The following BCO1 variants were observed in gnomAD, a reference collection of about 807,000 sequenced individuals.
The protein encoded by BCO1 is beta-carotene oxygenase 1, also known as beta,beta-carotene 15,15'-dioxygenase.
BCO1 carries 54 observed loss-of-function variants against 56.3 expected under a neutral mutation model. The ratio of observed to expected loss-of-function variants is 0.96; its 90% CI spans 0.77 to 1.20. The LOEUF is 1.20. Among genes scored for constraint, BCO1 ranks in the 50% most tolerant of loss-of-function variants. The probability of loss-of-function intolerance (pLI) is 0.00; values close to 1 mark genes in which losing one functional copy is unlikely to be tolerated. For synonymous variants in BCO1, 318 were observed against 266.1 expected (o/e 1.20, Z -1.90); for missense variants, 801 against 690.9 (o/e 1.16, Z -1.79).
At chr16:81,249,025 C>T (rs1474580957) in intron 2 of BCO1, among the ~76,000 whole-genome samples, 2 of 151,816 alleles carry the variant, frequency 1.3e-5, no homozygotes, top group Non-Finnish European at 2.9e-5. Flanking sequence ...AAAAAAAGCA[C>T]CAGTGGTTTT....
At chr16:81,239,444 TC>T (rs1034028265) in intron 1 of BCO1, among the ~76,000 whole-genome samples, 1 of 152,156 alleles carries the variant, frequency 6.6e-6, no homozygotes, top group Admixed American at 6.5e-5. Context: ...ATCTAGGTAT[TC>T]TTTTACACAT....
At chr16:81,254,618 C>T (rs56120833) in intron 2 of BCO1, among the ~76,000 whole-genome samples, 2,392 of 152,078 alleles carry the variant, frequency 0.016, 28 homozygotes, top group Non-Finnish European at 0.025. Flanking sequence ...TCCAAGTGCA[C>T]AGGTGGGAGT....
Position 81,242,143 on chromosome 16 carries a change from T to A in BCO1, c.64+3171T>A, listed in dbSNP as rs141863786. ...CCCTCTCCTGTGCCCTGGGTGCCTG[T>A]GCCTGGCGCCACGATTATGTAGGTG... On this transcript the variant is annotated intron_variant, in intron 1 of 10. Transcript: ENST00000258168. Among the ~76,000 whole-genome samples, 694 of 150,122 alleles carry A rather than the reference T, an allele frequency of 4.6e-3. 8 individuals are homozygous for A. Among genetic ancestry groups the A allele is most frequent in the Middle Eastern group, 0.038 (11 of 290 alleles).
chr16:81,241,323 CA>C (rs1905097223), intron 1 of BCO1, among the ~76,000 whole-genome samples: 1 of 151,974 alleles, frequency 6.6e-6, no homozygotes, highest in Non-Finnish European at 1.5e-5. Flanking sequence ...CAAAAGAAAA[CA>C]AAAAGGCACC....
chr16:81,282,941 G>C (rs1032845955), intron 8 of BCO1, among the ~76,000 whole-genome samples: 1 of 152,072 alleles, frequency 6.6e-6, no homozygotes, highest in African/African-American at 2.4e-5. Flanking sequence ...GCTTAGTGTG[G>C]GGTCTGGCCT....
chr16:81,241,668 T>C (rs77068549), intron 1 of BCO1, among the ~76,000 whole-genome samples: 1,967 of 152,232 alleles, frequency 0.013, 43 homozygotes, highest in African/African-American at 0.045. Context: ...AGCCTCCCTA[T>C]TGACAGATGG....
intron 10 of BCO1, among the ~76,000 whole-genome samples, chr16:81,290,061 A>G (rs891777594): frequency 3.3e-5 from 5 of 152,160 alleles, no homozygotes; most frequent in Admixed American, 1.3e-4. Flanking sequence ...ATGGGGTTTC[A>G]CCACGTTGGC....
chr16:81,274,340 T>G (rs1464401665), intron 7 of BCO1, among the ~76,000 whole-genome samples: 1 of 146,042 alleles, frequency 6.8e-6, no homozygotes, highest in Non-Finnish European at 1.5e-5. Flanking sequence ...CTCGGCTCAC[T>G]GCAAGCTCCG....
At chr16:81,250,572 A>G (rs971819216) in intron 2 of BCO1, among the ~76,000 whole-genome samples, 1 of 143,188 alleles carries the variant, frequency 7.0e-6, no homozygotes, top group Non-Finnish European at 1.5e-5. Flanking sequence ...TCCTTTCTCA[A>G]TAAAGCTTTT....
At chr16:81,261,944 G>A (rs989521684) in intron 3 of BCO1, 192 bp from the exon 4 acceptor site, 12 of 606,578 alleles carry the variant, frequency 2.0e-5, no homozygotes, top group African/African-American at 7.3e-5. Flanking sequence ...GGGTTTCACC[G>A]TGTTGGCCAG....
intron 2 of BCO1, among the ~76,000 whole-genome samples, chr16:81,256,016 A>T (rs1276168248): frequency 2.0e-5 from 3 of 149,062 alleles, no homozygotes; most frequent in African/African-American, 7.5e-5. Flanking sequence ...GAGTTTCCCC[A>T]TGTTGGCCAG....
intron 5 of BCO1, among the ~76,000 whole-genome samples, chr16:81,267,278 G>T (rs1479251095): frequency 6.6e-6 from 1 of 152,158 alleles, no homozygotes; most frequent in East Asian, 1.9e-4. Flanking sequence ...CTATAAAATG[G>T]CCATTCTACA....
In BCO1 at chr16:81,290,597, G is replaced by A; in HGVS notation, c.*20G>A. The A allele has an allele frequency of 6.3e-7, 1 of 1,590,116 alleles. No homozygotes were observed. Among genetic ancestry groups the A allele is most frequent in the Non-Finnish European group, 8.6e-7 (1 of 1,162,176 alleles). ...ACCTGATGGTGTTGGGGTTTGGGTA[G>A]GGGAGGGGAGCTCGGCTGTCAGAAC... On this transcript the variant is annotated 3_prime_UTR_variant, in exon 11 of 11. Coordinates refer to ENST00000258168, the MANE Select transcript of BCO1 (RefSeq NM_017429.3).
intron 2 of BCO1, among the ~76,000 whole-genome samples, chr16:81,253,665 C>T (rs886308561): frequency 1.3e-5 from 2 of 152,190 alleles, no homozygotes; most frequent in African/African-American, 4.8e-5. Context: ...TCTCCCCCTA[C>T]AGAAATATCT....
chr16:81,284,645 T>A (rs1457630092), intron 8 of BCO1, among the ~76,000 whole-genome samples: 1 of 152,044 alleles, frequency 6.6e-6, no homozygotes, highest in East Asian at 1.9e-4. Flanking sequence ...CCCATTCTGT[T>A]TTATTTTTTA....
intron 4 of BCO1, 144 bp downstream of exon 4, chr16:81,262,427 A>C (rs1906547005): frequency 2.4e-6 from 2 of 819,488 alleles, no homozygotes; most frequent in Non-Finnish European, 4.1e-6. Context: ...CCCTAGCGCC[A>C]CACTTACTGC....
chr16:81,253,441 G>T (rs917626441), intron 2 of BCO1, among the ~76,000 whole-genome samples: 9 of 152,214 alleles, frequency 5.9e-5, no homozygotes, highest in African/African-American at 2.2e-4. Flanking sequence ...TGCATGGTTG[G>T]TACATGATGA....
rs140259439 is a variant in BCO1 at position 81,285,521 on chromosome 16, C to T, written c.1208-19C>T. 22 of 1,572,986 alleles carry T rather than the reference C, an allele frequency of 1.4e-5. No homozygotes were observed. Among genetic ancestry groups the T allele is most frequent in the Non-Finnish European group, 1.7e-5 (19 of 1,142,658 alleles). On this transcript the variant is annotated intron_variant, in intron 8 of 10. Transcript: ENST00000258168. Reference sequence around the variant, plus strand: ...CCCCCAATGATAGGGGCTTCATCCACCTCCTCATTTCCTTGTAGGCTTAGA... The same window carrying T: ...CCCCCAATGATAGGGGCTTCATCCATCTCCTCATTTCCTTGTAGGCTTAGA...
Position 81,285,609 on chromosome 16 carries a change from T to G in BCO1, c.1277T>G (p.Val426Gly), listed in dbSNP as rs1188736466. 3 of 1,612,056 alleles carry G rather than the reference T, an allele frequency of 1.9e-6. No homozygotes were observed. Among genetic ancestry groups the G allele is most frequent in the Non-Finnish European group, 2.5e-6 (3 of 1,178,140 alleles). ...KQYRYVFATG[V>G]QWSPIPTKII... ...TACCGATATGTCTTTGCTACAGGAG[T>G]TCAGTGGAGTCCAATCCCAACCAAG... Residue 426 changes from valine (V) to glycine (G), a missense_variant, in exon 9 of 11, where the codon GTT (valine) becomes GGT (glycine). Val to Gly is a moderately radical substitution (Grantham distance 109). Transcript: ENST00000258168.
Sources: allele counts gnomAD v4.1 joint callset (sites outside exome capture counted in the v4.1 genomes callset), GRCh38; gene constraint gnomAD v4.1.1; transcripts MANE v1.5; gene names NCBI Gene and HGNC (gene_info 2026-07-23, HGNC 2026-07-21).